RIMS2: variants seen among roughly 807,000 people sequenced by gnomAD.
The protein encoded by RIMS2 is regulating synaptic membrane exocytosis protein 2.
In RIMS2, 59 loss-of-function variants were observed where a neutral mutation model predicts 174.4. The observed-to-expected ratio is 0.34, with a 90% confidence interval of 0.27 to 0.42. The LOEUF (loss-of-function observed/expected upper bound fraction) is 0.42. Ranked by LOEUF, RIMS2 falls within the 10% of genes least tolerant of loss-of-function variation. The probability of loss-of-function intolerance (pLI) is 1.00; values close to 1 mark genes in which losing one functional copy is unlikely to be tolerated. For missense variants in RIMS2, 1,620 were observed against 1,666.3 expected (o/e 0.97, Z 0.48); for synonymous variants, 606 against 572.5 (o/e 1.06, Z -0.84).
rs1586583398 is a variant in RIMS2 at position 104,174,862 on chromosome 8, G to A, written c.3335-70054G>A. On this transcript the variant is annotated intron_variant, in intron 19 of 23. Coordinates refer to ENST00000504942, the Ensembl canonical transcript of RIMS2. ...TTCAATACCTGATCCCTATTAAAGTGTTTTCAGATTCTTTCACCCTTTTTA... is the reference window on the plus strand; with the variant it reads ...TTCAATACCTGATCCCTATTAAAGTATTTTCAGATTCTTTCACCCTTTTTA... Among the ~76,000 whole-genome samples the A allele has an allele frequency of 2.0e-5, 3 of 152,226 alleles. No individual in the cohort carries two copies. In the South Asian group the frequency reaches 6.2e-4, roughly 32 times the overall value.
intron 19 of RIMS2, among the ~76,000 whole-genome samples, chr8:104,138,736 G>T (rs372955805): frequency 6.6e-6 from 1 of 151,976 alleles, no homozygotes; most frequent in African/African-American, 2.4e-5. Context: ...TCACTTTGTT[G>T]TTTCCTTTGC....
In RIMS2 at chr8:104,093,547, T is replaced by A. The variant is rs780372267; in HGVS notation, c.3334+78932T>A. 18 of 1,597,186 alleles carry A rather than the reference T, an allele frequency of 1.1e-5. No individual in the cohort carries two copies. In the Admixed American group the frequency reaches 2.8e-4, roughly 25 times the overall value. ...TCTTCGGACAGTGATGTAAGTGATATATCTGCGGTTTCAAGGACTAGTAGT... is the reference window on the plus strand; with the variant it reads ...TCTTCGGACAGTGATGTAAGTGATAAATCTGCGGTTTCAAGGACTAGTAGT... On this transcript the variant is annotated intron_variant, in intron 19 of 23. Transcript: ENST00000504942.
At chr8:103,665,532 A>G (rs578047582) in intron 1 of RIMS2, among the ~76,000 whole-genome samples, 1 of 152,360 alleles carries the variant, frequency 6.6e-6, no homozygotes, top group East Asian at 1.9e-4. Context: ...GAATTAATCA[A>G]ATATCTGACC....
At chr8:103,619,742 C>T (rs953990863) in intron 1 of RIMS2, among the ~76,000 whole-genome samples, 12 of 152,034 alleles carry the variant, frequency 7.9e-5, no homozygotes, top group Admixed American at 5.9e-4. Flanking sequence ...TCACCTCTAC[C>T]ATCAGTACTC....
At chr8:104,182,909 A>G (rs2098948398) in intron 19 of RIMS2, among the ~76,000 whole-genome samples, 1 of 151,772 alleles carries the variant, frequency 6.6e-6, no homozygotes, top group Admixed American at 6.6e-5. Flanking sequence ...ACAAATATTG[A>G]TGATTATTTA....
intron 1 of RIMS2, among the ~76,000 whole-genome samples, chr8:103,593,928 A>G (rs576032237): frequency 1.3e-5 from 2 of 151,506 alleles, no homozygotes; most frequent in Non-Finnish European, 3.0e-5. Flanking sequence ...TACTAATATG[A>G]AGGGGTTCTG....
chr8:103,928,905 A>G (rs891278340), intron 11 of RIMS2, among the ~76,000 whole-genome samples: 66 of 151,704 alleles, frequency 4.4e-4, no homozygotes, highest in South Asian at 1.2e-3. Context: ...TTAAACACTT[A>G]TTTAAAAAGC....
chr8:103,679,988 A>G (rs753017281), intron 1 of RIMS2, among the ~76,000 whole-genome samples: 1 of 152,088 alleles, frequency 6.6e-6, no homozygotes, highest in Non-Finnish European at 1.5e-5. Context: ...GGCAGAGTTG[A>G]GTAGTGACAG....
chr8:104,196,665 A>G (rs2099025992), intron 19 of RIMS2, among the ~76,000 whole-genome samples: 1 of 152,126 alleles, frequency 6.6e-6, no homozygotes, highest in African/African-American at 2.4e-5. Flanking sequence ...AACAGACCCA[A>G]ATGTCCTTTG....
chr8:103,661,321 A>G (rs868750887), intron 1 of RIMS2, among the ~76,000 whole-genome samples: 1 of 152,150 alleles, frequency 6.6e-6, no homozygotes, highest in Non-Finnish European at 1.5e-5. Flanking sequence ...CCTATTATGA[A>G]TAGTGCTGCT....
At chr8:104,007,102 A>T (rs1565812678) in intron 17 of RIMS2, among the ~76,000 whole-genome samples, 1 of 152,186 alleles carries the variant, frequency 6.6e-6, no homozygotes, top group African/African-American at 2.4e-5. Flanking sequence ...TCATTTCTAA[A>T]GTGAGAGAGT....
chr8:103,638,553 C>T lies in RIMS2; in HGVS notation c.177-58533C>T, dbSNP rs536768645. Among the ~76,000 whole-genome samples, 21 of 152,048 alleles carry T rather than the reference C, an allele frequency of 1.4e-4. 1 individual carries two copies. The highest frequency in any genetic ancestry group is 2.9e-4 in the African/African-American group (12 of 41,502). ...TTATAATCCATATGGGGTTTTTGTT[C>T]GTCCTCAAATAGTTCCAGCTTTGGC... On this transcript the variant is annotated intron_variant, in intron 1 of 23. Coordinates refer to ENST00000504942, the Ensembl canonical transcript of RIMS2.
At chr8:103,957,234 G>A (rs1184249232) in intron 14 of RIMS2, among the ~76,000 whole-genome samples, 1 of 152,126 alleles carries the variant, frequency 6.6e-6, no homozygotes, top group Admixed American at 6.5e-5. Context: ...ACTTGACCCA[G>A]CAATCCCATT....
rs190347521 is a variant in RIMS2 at position 103,951,859 on chromosome 8, A to C, written c.2701+8933A>C. 1.0e-3 allele frequency among the ~76,000 whole-genome samples: 159 copies of C among 152,322 alleles called. 1 individual carries two copies. Among genetic ancestry groups the C allele is most frequent in the African/African-American group, 3.0e-3 (125 of 41,582 alleles). Reference sequence around the variant, plus strand: ...GCAAGCTAAGATACACTGTCTTGAAATTCTTGCTGCTTGCACAGCAGTCTG... The same window carrying C: ...GCAAGCTAAGATACACTGTCTTGAACTTCTTGCTGCTTGCACAGCAGTCTG... On this transcript the variant is annotated intron_variant, in intron 14 of 23. Transcript: ENST00000504942.
At chr8:104,147,475 CT>C (rs891342344) in intron 19 of RIMS2, among the ~76,000 whole-genome samples, 26 of 149,802 alleles carry the variant, frequency 1.7e-4, no homozygotes, top group South Asian at 6.4e-4. Flanking sequence ...ATAGAAAACA[CT>C]TTTTTTTTTC....
At chr8:104,006,067 A>G (rs946429222) in intron 17 of RIMS2, among the ~76,000 whole-genome samples, 4 of 151,998 alleles carry the variant, frequency 2.6e-5, no homozygotes, top group Non-Finnish European at 5.9e-5. Flanking sequence ...TACATTACAA[A>G]TCATCTTCTG....
intron 15 of RIMS2, among the ~76,000 whole-genome samples, chr8:103,964,339 T>G (rs544239858): frequency 1.8e-4 from 27 of 152,346 alleles, no homozygotes; most frequent in Non-Finnish European, 3.5e-4. Context: ...CATTTGGTGT[T>G]GTCAGTGTTC....
At chr8:103,690,700 C>T (rs1320411680) in intron 1 of RIMS2, among the ~76,000 whole-genome samples, 1 of 152,148 alleles carries the variant, frequency 6.6e-6, no homozygotes, top group Non-Finnish European at 1.5e-5. Context: ...TTGATGCATT[C>T]ATCTTTTAAT....
At chr8:103,672,776 A>T (rs1275885817) in intron 1 of RIMS2, among the ~76,000 whole-genome samples, 1 of 152,014 alleles carries the variant, frequency 6.6e-6, no homozygotes, top group South Asian at 2.1e-4. Context: ...GTCCCTCCCA[A>T]ATCTCATTTC....
Sources: gnomAD v4.1 joint callset for allele counts (sites outside exome capture counted in the v4.1 genomes callset) on GRCh38, gnomAD v4.1.1 for gene constraint, MANE v1.5 for transcripts, NCBI Gene and HGNC (gene_info 2026-07-23, HGNC 2026-07-21) for gene names.